Variants in BPIFB3 observed in about 807,000 individuals in gnomAD.
The protein encoded by BPIFB3 is BPI fold containing family B member 3.
BPIFB3 carries 49 observed loss-of-function variants against 53.1 expected under a neutral mutation model. The observed-to-expected ratio is 0.92, with a 90% confidence interval of 0.73 to 1.17. The LOEUF is 1.17. Among genes scored for constraint, BPIFB3 ranks in the 50% most tolerant of loss-of-function variants. The pLI is 0.00. For synonymous variants in BPIFB3, 271 were observed against 269.6 expected, an observed-to-expected ratio of 1.01 and a Z score of -0.05; for missense variants, 628 against 592.5, an observed-to-expected ratio of 1.06 and a Z score of -0.62.
At chr20:33,059,854 G>A in intron 3 of BPIFB3, 37 bp from the exon 5 acceptor site, 1 of 1,605,876 alleles carries the variant, frequency 6.2e-7, no homozygotes, top group Admixed American at 1.7e-5. Context: ...GGTGGGAGCT[G>A]GCTGCCTGGC....
Position 33,069,364 on chromosome 20 carries a change from C to A in BPIFB3, c.1149+391C>A, listed in dbSNP as rs1226883764. Among the ~76,000 whole-genome samples, 6 of 152,180 alleles carry A rather than the reference C, an allele frequency of 3.9e-5. No individual in the cohort carries two copies. In the East Asian group the frequency reaches 1.2e-3, roughly 29 times the overall value. On this transcript the variant is annotated intron_variant, in intron 10 of 14. Coordinates refer to ENST00000375494, the Ensembl canonical transcript of BPIFB3. ...CACACATCTGGACCGAGGCAGGCCC[C>A]TCCCCCTATCCTCCACCTTGGCTCC...
exon 13 of BPIFB3, chr20:33,072,150 A>C: frequency 2.5e-6 from 4 of 1,614,198 alleles, no homozygotes; most frequent in Non-Finnish European, 3.4e-6. Flanking sequence ...GGGGCAGTGT[A>C]TGCACCAAAG....
intron 3 of BPIFB3, 49 bp downstream of exon 4, chr20:33,059,531 CT>C (rs1568992919): frequency 7.1e-7 from 1 of 1,399,006 alleles, no homozygotes; most frequent in Admixed American, 1.9e-5. Flanking sequence ...ATCCCACCCC[CT>C]GACCTGTTGG....
intron 11 of BPIFB3, among the ~76,000 whole-genome samples, chr20:33,070,347 CT>C (rs1300411435): frequency 6.6e-6 from 1 of 152,222 alleles, no homozygotes. Flanking sequence ...TGTTACTTCT[CT>C]ATTCTCCTCA....
At chr20:33,071,700 C>T (rs957218758) in intron 12 of BPIFB3, among the ~76,000 whole-genome samples, 3 of 152,132 alleles carry the variant, frequency 2.0e-5, no homozygotes, top group African/African-American at 7.2e-5. Flanking sequence ...TTCTGAGGTT[C>T]TGGAATCTCA....
exon 5 of BPIFB3, chr20:33,061,786 C>T (rs542918946): frequency 6.2e-7 from 1 of 1,614,122 alleles, no homozygotes; most frequent in Admixed American, 1.7e-5. Context: ...CCACACCACT[C>T]TTTGGGGTCG....
intron 8 of BPIFB3, among the ~76,000 whole-genome samples, chr20:33,065,300 G>A (rs1980624107): frequency 6.6e-6 from 1 of 152,142 alleles, no homozygotes; most frequent in Non-Finnish European, 1.5e-5. Flanking sequence ...CACTTTGGGA[G>A]GCTGATGTGG....
chr20:33,069,011 G>T (rs960349585), intron 10 of BPIFB3, 38 bp downstream of exon 11: 1 of 1,593,690 alleles, frequency 6.3e-7, no homozygotes, highest in Non-Finnish European at 8.6e-7. Context: ...CCGGCATTGG[G>T]GTTCCAAATG....
chr20:33,060,094 G>A (rs1980389000), intron 4 of BPIFB3, 63 bp downstream of exon 5: 3 of 1,573,798 alleles, frequency 1.9e-6, no homozygotes, highest in African/African-American at 2.7e-5. Context: ...ACCCATCTGG[G>A]CATCTCCCAG....
Position 33,068,922 on chromosome 20 carries a change from G to A in BPIFB3, c.1098G>A (p.Val366=), listed in dbSNP as rs750281732. Reference sequence around the variant, plus strand: ...TCTCCCTCCCAGCCAACATCCATGTGCTGTTCTATGTCCCTAAGGGGACCC... The same window carrying A: ...TCTCCCTCCCAGCCAACATCCATGTACTGTTCTATGTCCCTAAGGGGACCC... Residue 366 remains valine, a synonymous_variant, in exon 10 of 15, where the codon GTG becomes GTA. Transcript: ENST00000375494. 7 of 1,613,928 alleles carry A rather than the reference G, an allele frequency of 4.3e-6. No individual in the cohort carries two copies. The East Asian group carries it at 6.7e-5, about 15-fold the overall frequency.
intron 2 of BPIFB3, among the ~76,000 whole-genome samples, chr20:33,057,769 C>T (rs148736710): frequency 5.7e-4 from 86 of 150,586 alleles, no homozygotes; most frequent in African/African-American, 2.0e-3. Context: ...CTGCTGTGGT[C>T]TCAATGTTTT....
chr20:33,066,066 C>A (rs1221061577), intron 8 of BPIFB3, among the ~76,000 whole-genome samples: 1 of 152,176 alleles, frequency 6.6e-6, no homozygotes, highest in African/African-American at 2.4e-5. Flanking sequence ...ATGTCAGAGG[C>A]CTCGTCCTGG....
intron 8 of BPIFB3, among the ~76,000 whole-genome samples, chr20:33,065,611 A>C (rs1191839683): frequency 1.3e-5 from 2 of 151,874 alleles, no homozygotes; most frequent in African/African-American, 2.4e-5. Flanking sequence ...AGAAGGAAGG[A>C]AGGAAGGAAG....
chr20:33,066,432 G>A (rs774385571), intron 8 of BPIFB3, among the ~76,000 whole-genome samples: 4 of 152,198 alleles, frequency 2.6e-5, no homozygotes, highest in African/African-American at 7.2e-5. Flanking sequence ...CAGATCCCTG[G>A]GCCTTTAGAT....
rs765149873 is a variant in BPIFB3, at chr20:33,064,452, C to T, written c.653-5C>T. 25 of 1,613,412 alleles carry T rather than the reference C, an allele frequency of 1.5e-5. No homozygotes were observed. The highest frequency in any genetic ancestry group is 4.0e-5 in the African/African-American group (3 of 74,926). On this transcript the variant is annotated splice_region_variant and splice_polypyrimidine_tract_variant and intron_variant, in intron 6 of 14. Transcript: ENST00000375494. ...GGTCGTTCTCGCCCCCACTTTCCCA[C>T]GCAGGCCTGGTGTCCCTTGGGGCTC...
chr20:33,055,484 T>C (rs762653879), exon 1 of BPIFB3: 5 of 1,613,800 alleles, frequency 3.1e-6, no homozygotes, highest in Middle Eastern at 1.6e-4. Context: ...GGCGACTCCA[T>C]GCCAGGAGCT....
At chr20:33,063,050 G>A (rs1235884643) in intron 5 of BPIFB3, among the ~76,000 whole-genome samples, 1 of 152,222 alleles carries the variant, frequency 6.6e-6, no homozygotes, top group Non-Finnish European at 1.5e-5. Flanking sequence ...TGGGACTCAG[G>A]TTCTGTGATT....
In BPIFB3 at chr20:33,061,716, G is replaced by T. The variant is rs1980465422; in HGVS notation, c.528-52G>T. 6.4e-6 allele frequency: 10 copies of T among 1,569,818 alleles called. No individual in the cohort carries two copies. The Admixed American group carries it at 1.2e-4, about 18-fold the overall frequency. ...AGTGTCCGCCCGACCCTGTCATCTG[G>T]GTTGAACCGTCCACCTGGCAGCCGC... On this transcript the variant is annotated intron_variant, in intron 4 of 14. Coordinates refer to ENST00000375494, the Ensembl canonical transcript of BPIFB3.
upstream of BPIFB3, among the ~76,000 whole-genome samples, chr20:33,054,033 C>T (rs544957749): frequency 2.6e-5 from 4 of 152,270 alleles, no homozygotes; most frequent in South Asian, 2.1e-4. Flanking sequence ...GCCTTCTGCC[C>T]TCCCATATGA....
Sources: gnomAD v4.1 joint callset for allele counts (sites outside exome capture counted in the v4.1 genomes callset) on GRCh38, gnomAD v4.1.1 for gene constraint, MANE v1.5 for transcripts, NCBI Gene and HGNC (gene_info 2026-07-23, HGNC 2026-07-21) for gene names.